DHX15: variants seen among roughly 807,000 people sequenced by gnomAD.
The protein encoded by DHX15 is DEAH-box helicase 15, also known as ATP-dependent RNA helicase DHX15.
A neutral mutation model predicts 94.4 loss-of-function variants in DHX15; 11 were observed. The observed-to-expected ratio is 0.12, with a 90% CI of 0.07 to 0.19. The LOEUF (loss-of-function observed/expected upper bound fraction) is 0.19. Among genes scored for constraint, DHX15 ranks in the 10% least tolerant of loss-of-function variants. DHX15 has a pLI of 1.00. For missense variants in DHX15, 304 were observed against 988.5 expected (o/e 0.31, Z 9.29); for synonymous variants, 338 against 329.9 (o/e 1.02, Z -0.27).
At chr4:24,578,999 T>C (rs1416693359) in intron 1 of DHX15, among the ~76,000 whole-genome samples, 1 of 152,162 alleles carries the variant, frequency 6.6e-6, no homozygotes, top group Non-Finnish European at 1.5e-5. Context: ...GTAATACCTA[T>C]ACTAACAAAG....
chr4:24,583,415 C>T (rs1722513339), intron 1 of DHX15, among the ~76,000 whole-genome samples: 1 of 151,926 alleles, frequency 6.6e-6, no homozygotes, highest in Non-Finnish European at 1.5e-5. Context: ...GAACATGATC[C>T]CTGTATTTCA....
intron 3 of DHX15, among the ~76,000 whole-genome samples, chr4:24,567,191 G>A (rs993973548): frequency 2.6e-5 from 4 of 152,128 alleles, no homozygotes; most frequent in Non-Finnish European, 4.4e-5. Context: ...CAATTATTAC[G>A]TTTTTCTACG....
At position 24,548,756 on chromosome 4, in the gene DHX15, TCA is replaced by T; in HGVS notation, c.1248+97_1248+98del. The T allele has an allele frequency of 6.1e-6, 7 of 1,151,290 alleles. No individual in the cohort carries two copies. In the South Asian group the frequency reaches 1.1e-4, roughly 19 times the overall value. 71.3% of individuals were successfully genotyped at this position (1,151,290 alleles called of 1,614,324 possible). A position where few individuals can be genotyped will look rare whatever the true frequency, so the allele number is the denominator to read the frequency against. On this transcript the variant is annotated intron_variant, in intron 6 of 13. Coordinates refer to ENST00000336812, the MANE Select transcript of DHX15 (RefSeq NM_001358.3). ...ATTATTTTGTTGTATAAAACCTAGATCACAATCACCCATAACTTAGTCCTTTA... is the reference window on the plus strand; with the variant it reads ...ATTATTTTGTTGTATAAAACCTAGATCAATCACCCATAACTTAGTCCTTTA...
intron 3 of DHX15, among the ~76,000 whole-genome samples, chr4:24,568,666 AT>A (rs763381590): frequency 1.3e-5 from 2 of 152,164 alleles, no homozygotes; most frequent in Non-Finnish European, 2.9e-5. Flanking sequence ...CAATTTCCAA[AT>A]TCTGTTCTCA....
intron 2 of DHX15, among the ~76,000 whole-genome samples, chr4:24,573,547 C>T (rs1162431287): frequency 6.6e-6 from 1 of 152,160 alleles, no homozygotes; most frequent in Non-Finnish European, 1.5e-5. Flanking sequence ...AGGCCCTTCA[C>T]AGAATCGAAA....
At chr4:24,552,127 C>A (rs1721622886) in intron 5 of DHX15, among the ~76,000 whole-genome samples, 1 of 152,134 alleles carries the variant, frequency 6.6e-6, no homozygotes, top group South Asian at 2.1e-4. Context: ...GCTGAGAATG[C>A]CACAAAACTT....
At chr4:24,556,128 T>C (rs1022023788) in intron 4 of DHX15, 123 bp downstream of exon 4, 1 of 682,532 alleles carries the variant, frequency 1.5e-6, no homozygotes, top group Non-Finnish European at 2.3e-6. Context: ...AACAAGAAGG[T>C]ACTTACTAGT....
At chr4:24,554,970 A>G in intron 4 of DHX15, 27 bp from the exon 5 acceptor site, 1 of 1,573,102 alleles carries the variant, frequency 6.4e-7, no homozygotes, top group African/African-American at 1.3e-5. Context: ...AATTATTTGA[A>G]GCTGTCTTCA....
intron 2 of DHX15, among the ~76,000 whole-genome samples, chr4:24,573,374 G>A (rs1722168778): frequency 6.6e-6 from 1 of 152,096 alleles, no homozygotes. Context: ...ATACATCAAT[G>A]CCAATCCTAA....
At chr4:24,530,783 C>A (rs1270867077) in intron 12 of DHX15, 1 of 152,046 alleles carries the variant, frequency 6.6e-6, no homozygotes, top group South Asian at 2.1e-4. Flanking sequence ...CTTTCCAATT[C>A]TAATATTCTG....
intron 3 of DHX15, among the ~76,000 whole-genome samples, chr4:24,568,059 T>C (rs115667788): frequency 6.6e-6 from 1 of 152,212 alleles, no homozygotes. Flanking sequence ...GAAGAAACTA[T>C]CTTATAGACC....
At chr4:24,550,811 T>A (rs1173125826) in intron 5 of DHX15, among the ~76,000 whole-genome samples, 1 of 152,216 alleles carries the variant, frequency 6.6e-6, no homozygotes, top group Non-Finnish European at 1.5e-5. Flanking sequence ...CCACTAACAA[T>A]GTCCTATTAT....
rs1721320812 is a variant in DHX15, at chr4:24,541,865, C to A, written c.1485+8G>T. 2.5e-6 allele frequency: 4 copies of A among 1,574,274 alleles called. No homozygotes were observed. The highest frequency in any genetic ancestry group is 1.2e-5 in the South Asian group (1 of 86,846). On this transcript the variant is annotated splice_region_variant and intron_variant, in intron 8 of 13. Transcript: ENST00000336812. ...AACATATCGGCAGGAAACGACAATA[C>A]CCCATACCTGCATTTCTGTTTTATA... is the stretch of plus-strand genomic sequence containing the variant.
intron 1 of DHX15, among the ~76,000 whole-genome samples, chr4:24,578,250 T>C (rs1440447922): frequency 6.6e-6 from 1 of 152,226 alleles, no homozygotes; most frequent in Admixed American, 6.5e-5. Flanking sequence ...AGTCTGGACC[T>C]ATCTTCTGAA....
chr4:24,550,274 G>A (rs902781337), intron 5 of DHX15, among the ~76,000 whole-genome samples: 5 of 151,688 alleles, frequency 3.3e-5, no homozygotes, highest in Non-Finnish European at 5.9e-5. Context: ...GTACATTTTG[G>A]CGATACAAAA....
At chr4:24,561,192 T>C (rs1322822482) in intron 3 of DHX15, among the ~76,000 whole-genome samples, 2 of 152,216 alleles carry the variant, frequency 1.3e-5, no homozygotes, top group Non-Finnish European at 2.9e-5. Flanking sequence ...GTTCCATCAA[T>C]AGAATTTGTT....
At chr4:24,571,454 T>A (rs949682186) in intron 2 of DHX15, among the ~76,000 whole-genome samples, 1 of 152,306 alleles carries the variant, frequency 6.6e-6, no homozygotes, top group East Asian at 1.9e-4. Flanking sequence ...CACCACTTCG[T>A]TAAGGGCAGC....
chr4:24,530,140 G>A, intron 12 of DHX15: 1 of 288,040 alleles, frequency 3.5e-6, no homozygotes, highest in Non-Finnish European at 6.5e-6. Context: ...TATGCTCCAA[G>A]AGCAGGCAGT....
chr4:24,531,155 C>T (rs1322954891), intron 12 of DHX15, among the ~76,000 whole-genome samples: 1 of 150,410 alleles, frequency 6.6e-6, no homozygotes. Flanking sequence ...GTGGCGCTAT[C>T]TCGGCTCACT....
Sources: allele counts gnomAD v4.1 joint callset (sites outside exome capture counted in the v4.1 genomes callset), GRCh38; gene constraint gnomAD v4.1.1; transcripts MANE v1.5; gene names NCBI Gene and HGNC (gene_info 2026-07-23, HGNC 2026-07-21).